The following POU3F3 variants were observed in gnomAD, a reference collection of about 807,000 sequenced individuals.
POU3F3 encodes the protein POU domain, class 3, transcription factor 3.
Under a neutral mutation model 8.6 loss-of-function variants are expected in POU3F3, and 1 was observed. That is an observed-to-expected ratio of 0.12 (90% CI 0.04 to 0.55). POU3F3 has a LOEUF of 0.55. Ranked by LOEUF, POU3F3 falls within the 20% of genes least tolerant of loss-of-function variation. The pLI, the probability that POU3F3 is intolerant of heterozygous loss-of-function variation, is 0.91. For synonymous variants in POU3F3, 418 were observed against 327.4 expected, an observed-to-expected ratio of 1.28 and a Z score of -2.99; for missense variants, 577 against 690.7, an observed-to-expected ratio of 0.84 and a Z score of 1.84.
downstream of POU3F3, among the ~76,000 whole-genome samples, chr2:104,861,726 T>C (rs528109656): frequency 2.6e-5 from 4 of 152,346 alleles, no homozygotes; most frequent in African/African-American, 9.6e-5. Context: ...GTCGTTGTTG[T>C]TGCTGCTGCT....
chr2:104,917,851 T>G, the POU3F3 span, among the ~76,000 whole-genome samples: 1 of 152,058 alleles, frequency 6.6e-6, no homozygotes, highest in Non-Finnish European at 1.5e-5. Context: ...TGCCCCCACA[T>G]CTATGTTCTA....
the POU3F3 span, among the ~76,000 whole-genome samples, chr2:104,878,435 A>G: frequency 1.3e-5 from 2 of 152,214 alleles, no homozygotes; most frequent in African/African-American, 4.8e-5. Flanking sequence ...GTACTACAGT[A>G]TAGGCTGTAA....
chr2:104,889,526 A>G, the POU3F3 span, among the ~76,000 whole-genome samples: 1 of 152,192 alleles, frequency 6.6e-6, no homozygotes, highest in Non-Finnish European at 1.5e-5. Context: ...TAGTATTTAT[A>G]TACCTTACAA....
At chr2:104,889,463 T>C in the POU3F3 span, among the ~76,000 whole-genome samples, 1 of 152,326 alleles carries the variant, frequency 6.6e-6, no homozygotes. Context: ...CCTCCCAGTG[T>C]GCAGGTCGGT....
chr2:104,908,751 C>T, the POU3F3 span, among the ~76,000 whole-genome samples: 1 of 152,156 alleles, frequency 6.6e-6, no homozygotes, highest in East Asian at 1.9e-4. Context: ...TGGTCTACAG[C>T]AAAGAATGTA....
the POU3F3 span, among the ~76,000 whole-genome samples, chr2:104,902,444 A>G: frequency 5.9e-5 from 9 of 152,188 alleles, no homozygotes; most frequent in Non-Finnish European, 1.3e-4. Context: ...CTTCACTGTC[A>G]TTTAACATAA....
In POU3F3 at chr2:104,855,364, CG is replaced by C. The variant is rs1432349267; in HGVS notation, c.-142del. On this transcript the variant is annotated 5_prime_UTR_variant, in exon 1 of 1. Transcript: ENST00000361360. Reference sequence around the variant, plus strand: ...GAGGCGGCGAAGGCGGCGGGGCCGGCGGGGGCCCGGGGCGGGGGCGGGGAAG... The same window carrying C: ...GAGGCGGCGAAGGCGGCGGGGCCGGCGGGGCCCGGGGCGGGGGCGGGGAAG... The C allele has an allele frequency of 9.1e-6, 2 of 220,168 alleles. No homozygotes were observed. The highest frequency in any genetic ancestry group is 1.2e-5 in the Non-Finnish European group (2 of 168,410). The allele number at this position is 220,168 out of a possible 1,614,324, so 13.6% of individuals were successfully genotyped here. A position where few individuals can be genotyped will look rare whatever the true frequency, so the allele number is the denominator to read the frequency against.
downstream of POU3F3, among the ~76,000 whole-genome samples, chr2:104,862,789 C>T (rs1259006286): frequency 6.6e-6 from 1 of 152,218 alleles, no homozygotes; most frequent in African/African-American, 2.4e-5. Context: ...TAAGAATATG[C>T]AAGCTTTTTG....
downstream of POU3F3, among the ~76,000 whole-genome samples, chr2:104,860,205 C>G (rs1405660525): frequency 6.6e-6 from 1 of 152,136 alleles, no homozygotes. Context: ...TTGGGGGTAG[C>G]AGAGTAACTT....
the POU3F3 span, among the ~76,000 whole-genome samples, chr2:104,893,855 C>G: frequency 6.7e-6 from 1 of 148,688 alleles, no homozygotes; most frequent in Admixed American, 6.8e-5. Context: ...TGCACTCCAG[C>G]CTGGGCAACA....
At chr2:104,891,575 G>A in the POU3F3 span, among the ~76,000 whole-genome samples, 1 of 152,162 alleles carries the variant, frequency 6.6e-6, no homozygotes, top group Admixed American at 6.5e-5. Context: ...AGAAGGGTTT[G>A]AAGGCAACTA....
chr2:104,926,940 A>C, the POU3F3 span, among the ~76,000 whole-genome samples: 4 of 151,852 alleles, frequency 2.6e-5, no homozygotes, highest in African/African-American at 9.7e-5. Flanking sequence ...AACATCACAC[A>C]CTGGGGCCTG....
At chr2:104,919,081 G>A in the POU3F3 span, among the ~76,000 whole-genome samples, 1 of 152,124 alleles carries the variant, frequency 6.6e-6, no homozygotes, top group Non-Finnish European at 1.5e-5. Context: ...ATGTTGGTCA[G>A]GCTGGTCTTG....
downstream of POU3F3, among the ~76,000 whole-genome samples, chr2:104,859,715 C>G (rs538858586): frequency 5.3e-5 from 8 of 152,230 alleles, no homozygotes; most frequent in Middle Eastern, 6.8e-3. Context: ...AACACCAAAT[C>G]GTACTAAAAA....
chr2:104,914,973 G>A, the POU3F3 span, among the ~76,000 whole-genome samples: 1 of 152,186 alleles, frequency 6.6e-6, no homozygotes, highest in Admixed American at 6.5e-5. Context: ...AGCCCTGAAG[G>A]CCTCACAGGT....
At chr2:104,907,470 A>C in the POU3F3 span, among the ~76,000 whole-genome samples, 2 of 152,216 alleles carry the variant, frequency 1.3e-5, no homozygotes, top group Non-Finnish European at 2.9e-5. Context: ...GCGACTAGAG[A>C]ACAACTACTC....
At chr2:104,923,892 C>T in the POU3F3 span, among the ~76,000 whole-genome samples, 1 of 152,066 alleles carries the variant, frequency 6.6e-6, no homozygotes, top group Admixed American at 6.6e-5. Flanking sequence ...ACAAGGTAGT[C>T]ACAAAAAGAC....
Position 104,858,410 on chromosome 2 carries a change from TTGTATTACG to T in POU3F3, c.*1401_*1409del, listed in dbSNP as rs1447509476. On this transcript the variant is annotated 3_prime_UTR_variant, in exon 1 of 1. Coordinates refer to ENST00000361360, the MANE Select transcript of POU3F3 (RefSeq NM_006236.3). The stretch of plus-strand genomic sequence containing the variant: ...ACGGTAATTTATTTTTCCCCAGATC[TTGTATTACG>T]TGTTTTTTTCAGACGAGCACAAATC... The T allele has an allele frequency of 6.6e-6, 1 of 152,242 alleles. No individual in the cohort carries two copies. The highest frequency in any genetic ancestry group is 1.5e-5 in the Non-Finnish European group (1 of 68,044). 9.4% of individuals were successfully genotyped at this position (152,242 alleles called of 1,614,324 possible). A position where few individuals can be genotyped will look rare whatever the true frequency, so the allele number is the denominator to read the frequency against.
chr2:104,888,170 T>C, the POU3F3 span, among the ~76,000 whole-genome samples: 1 of 152,266 alleles, frequency 6.6e-6, no homozygotes, highest in Non-Finnish European at 1.5e-5. Flanking sequence ...TCGCTCTTTC[T>C]GTAGGCAGCC....
Sources: gnomAD v4.1 joint callset for allele counts (sites outside exome capture counted in the v4.1 genomes callset) on GRCh38, gnomAD v4.1.1 for gene constraint, MANE v1.5 for transcripts, NCBI Gene and HGNC (gene_info 2026-07-23, HGNC 2026-07-21) for gene names.